The following IKZF2 variants were observed in gnomAD, a reference collection of about 807,000 sequenced individuals.
IKZF2 encodes the protein IKAROS family zinc finger 2.
Under a neutral mutation model 49.2 loss-of-function variants are expected in IKZF2, and 15 were observed. The observed-to-expected ratio is 0.30, with a 90% confidence interval of 0.20 to 0.47. The LOEUF (loss-of-function observed/expected upper bound fraction) is 0.47, where lower values mean the gene tolerates loss of function less well. Ranked by LOEUF, IKZF2 falls within the 20% of genes least tolerant of loss-of-function variation. The pLI is 1.00. For synonymous variants in IKZF2, 227 were observed against 221.4 expected (o/e 1.03, Z -0.23); for missense variants, 567 against 664.6 (o/e 0.85, Z 1.61).
intron 4 of IKZF2, among the ~76,000 whole-genome samples, chr2:213,082,178 T>C (rs1288538310): frequency 2.6e-5 from 4 of 152,174 alleles, no homozygotes; most frequent in Non-Finnish European, 5.9e-5. Flanking sequence ...TGCTATATGT[T>C]AAAACAGTTT....
At chr2:213,095,094 T>C (rs1312609538) in intron 4 of IKZF2, among the ~76,000 whole-genome samples, 3 of 152,122 alleles carry the variant, frequency 2.0e-5, no homozygotes, top group African/African-American at 7.2e-5. Context: ...AGTTCAGATC[T>C]GAACTCAAAG....
At position 213,148,609 on chromosome 2, in the gene IKZF2, A is replaced by C; in HGVS notation, c.21T>G (p.Asp7Glu). Reference sequence around the variant, plus strand: ...ACTAATACTTACACGTTATATAGCCATCAATAGCCTCTGTTTCCATAGTCA... The same window carrying C: ...ACTAATACTTACACGTTATATAGCCCTCAATAGCCTCTGTTTCCATAGTCA... METEAI[D>E]GYITCDNELS... The change falls in exon 3 of 9, where the codon GAT becomes GAG. Residue 7 changes from aspartate to glutamate, a missense_variant. By Grantham distance (45) the Asp-to-Glu change is conservative. Coordinates refer to ENST00000434687, the MANE Select transcript of IKZF2 (RefSeq NM_001387220.1). 2 of 1,612,106 alleles carry C rather than the reference A, an allele frequency of 1.2e-6. No homozygotes were observed. The highest frequency in any genetic ancestry group is 8.5e-7 in the Non-Finnish European group (1 of 1,178,268).
intron 4 of IKZF2, among the ~76,000 whole-genome samples, chr2:213,087,745 T>C (rs926836561): frequency 6.6e-6 from 1 of 152,190 alleles, no homozygotes; most frequent in African/African-American, 2.4e-5. Flanking sequence ...AGTGAGAACA[T>C]GCGGTGTTTG....
In IKZF2 at chr2:213,025,711, A is replaced by G. The variant is rs569958930; in HGVS notation, c.575-3581T>C. The stretch of plus-strand genomic sequence containing the variant: ...ATATTCCCCCAAAACCAAATCAAAC[A>G]TTCAAGATACCCAAAACTATCTTCC... On this transcript the variant is annotated intron_variant, in intron 6 of 8. Coordinates refer to ENST00000434687, the MANE Select transcript of IKZF2 (RefSeq NM_001387220.1). 1.1e-3 allele frequency among the ~76,000 whole-genome samples: 164 copies of G among 152,190 alleles called. 1 individual carries two copies. The highest frequency in any genetic ancestry group is 3.8e-3 in the African/African-American group (157 of 41,544).
rs1357611896 is a variant in IKZF2, at chr2:213,004,489, A to G, written c.*2871T>C. On this transcript the variant is annotated 3_prime_UTR_variant, in exon 9 of 9. Transcript: ENST00000434687. ...AATTCTGAACTTTTGCCAAACTGGA[A>G]AATACAGAAGATAACCCATTTTCAT... 1.3e-5 allele frequency: 2 copies of G among 151,904 alleles called. No individual in the cohort carries two copies. Among genetic ancestry groups the G allele is most frequent in the Non-Finnish European group, 2.9e-5 (2 of 67,890 alleles). The allele number at this position is 151,904 out of a possible 1,614,324, so 9.4% of individuals were successfully genotyped here. A position where few individuals can be genotyped will look rare whatever the true frequency, so the allele number is the denominator to read the frequency against.
intron 4 of IKZF2, among the ~76,000 whole-genome samples, chr2:213,075,842 G>A (rs1157582207): frequency 6.6e-6 from 1 of 151,984 alleles, no homozygotes; most frequent in Non-Finnish European, 1.5e-5. Flanking sequence ...TAAAGAATAT[G>A]GAAAGAAGAT....
intron 4 of IKZF2, among the ~76,000 whole-genome samples, chr2:213,112,915 T>C (rs1053271378): frequency 1.3e-5 from 2 of 152,158 alleles, no homozygotes; most frequent in African/African-American, 4.8e-5. Context: ...TACATATAAA[T>C]ATATGTTTGA....
Position 212,999,885 on chromosome 2 carries a change from A to G in IKZF2, c.*7475T>C, listed in dbSNP as rs957607971. ...ACCTTTATAATATAATCCTTTTCAC[A>G]AAGTATTACAAAGTTTCTGCAGCTT... On this transcript the variant is annotated 3_prime_UTR_variant, in exon 9 of 9. Coordinates refer to ENST00000434687, the MANE Select transcript of IKZF2 (RefSeq NM_001387220.1). 3.9e-5 allele frequency: 6 copies of G among 152,266 alleles called. No individual in the cohort carries two copies. In the East Asian group the frequency reaches 1.2e-3, roughly 29 times the overall value. The allele number at this position is 152,266 out of a possible 1,614,324, so 9.4% of individuals were successfully genotyped here.
At chr2:213,105,855 T>A (rs1386801330) in intron 4 of IKZF2, among the ~76,000 whole-genome samples, 4 of 152,188 alleles carry the variant, frequency 2.6e-5, no homozygotes, top group Admixed American at 2.0e-4. Flanking sequence ...ACCAGACTCT[T>A]CTGGAAAACT....
chr2:213,022,258 T>C, intron 6 of IKZF2, 128 bp from the exon 7 acceptor site: 2 of 830,154 alleles, frequency 2.4e-6, no homozygotes, highest in East Asian at 2.9e-5. Flanking sequence ...CTTCCTCCTT[T>C]ACATTCCAAT....
intron 4 of IKZF2, among the ~76,000 whole-genome samples, chr2:213,084,387 T>C (rs192573510): frequency 2.8e-4 from 42 of 152,300 alleles, no homozygotes; most frequent in Non-Finnish European, 5.3e-4. Flanking sequence ...TGTTCCTCAC[T>C]ACAAAAGATT....
chr2:213,078,003 G>C (rs1414184699), intron 4 of IKZF2, among the ~76,000 whole-genome samples: 1 of 152,058 alleles, frequency 6.6e-6, no homozygotes, highest in East Asian at 1.9e-4. Context: ...GTGGGTTAGA[G>C]TAGAAGATTG....
chr2:213,062,465 T>C (rs568144100), intron 4 of IKZF2, among the ~76,000 whole-genome samples: 4 of 151,996 alleles, frequency 2.6e-5, no homozygotes, highest in African/African-American at 7.2e-5. Flanking sequence ...TTTTGTTTAG[T>C]TGCCAAAGTG....
intron 5 of IKZF2, 122 bp downstream of exon 5, chr2:213,056,711 A>C: frequency 8.5e-7 from 1 of 1,177,988 alleles, no homozygotes; most frequent in Non-Finnish European, 1.2e-6. Context: ...ATACTAGCAG[A>C]ATTCTGAAAA....
chr2:213,040,936 G>T (rs1478829033), intron 6 of IKZF2, among the ~76,000 whole-genome samples: 2 of 152,126 alleles, frequency 1.3e-5, no homozygotes, highest in South Asian at 2.1e-4. Context: ...TGGCCAACAC[G>T]GTGAAACCCC....
At chr2:213,075,156 C>T (rs1460353412) in intron 4 of IKZF2, among the ~76,000 whole-genome samples, 2 of 152,090 alleles carry the variant, frequency 1.3e-5, no homozygotes, top group African/African-American at 2.4e-5. Flanking sequence ...ATGGCCTTAT[C>T]GTTATTTCAA....
chr2:213,133,220 A>T (rs1434506530), intron 4 of IKZF2, among the ~76,000 whole-genome samples: 1 of 152,176 alleles, frequency 6.6e-6, no homozygotes, highest in African/African-American at 2.4e-5. Flanking sequence ...ACTTACCATG[A>T]GCCAGTCACT....
intron 5 of IKZF2, chr2:213,056,487 A>G (rs1028680625): frequency 1.8e-5 from 7 of 380,510 alleles, no homozygotes; most frequent in Non-Finnish European, 3.5e-5. Flanking sequence ...CTAGCAAACT[A>G]TATTACCTGC....
chr2:213,119,638 C>CAG (rs1265263327), intron 4 of IKZF2, among the ~76,000 whole-genome samples: 1 of 152,176 alleles, frequency 6.6e-6, no homozygotes, highest in Non-Finnish European at 1.5e-5. Flanking sequence ...GGCACAGCTA[C>CAG]AGACATATCC....
Sources: allele counts gnomAD v4.1 joint callset (sites outside exome capture counted in the v4.1 genomes callset), GRCh38; gene constraint gnomAD v4.1.1; transcripts MANE v1.5; gene names NCBI Gene and HGNC (gene_info 2026-07-23, HGNC 2026-07-21).